The following PEAK1 variants were observed in gnomAD, a reference collection of about 807,000 sequenced individuals.
PEAK1 encodes pseudopodium enriched atypical kinase 1.
A neutral mutation model predicts 124.7 loss-of-function variants in PEAK1; 54 were observed. The observed-to-expected ratio is 0.43, with a 90% CI of 0.35 to 0.54. The LOEUF (loss-of-function observed/expected upper bound fraction) is 0.54, where lower values mean the gene tolerates loss of function less well. PEAK1 is among the 20% of genes least tolerant of loss of function. The pLI is 0.01. For synonymous variants in PEAK1, 719 were observed against 760.0 expected, an observed-to-expected ratio of 0.95 and a Z score of 0.89; for missense variants, 2,046 against 2,134.5, an observed-to-expected ratio of 0.96 and a Z score of 0.82.
intron 8 of PEAK1, among the ~76,000 whole-genome samples, chr15:77,147,001 T>C (rs996126776): frequency 6.6e-6 from 1 of 152,220 alleles, no homozygotes; most frequent in Non-Finnish European, 1.5e-5. Flanking sequence ...CTTATGTGTT[T>C]TCTTTCAGTG....
chr15:77,163,977 C>A (rs1424757908), intron 7 of PEAK1, among the ~76,000 whole-genome samples: 1 of 152,150 alleles, frequency 6.6e-6, no homozygotes, highest in Non-Finnish European at 1.5e-5. Flanking sequence ...CGGAACTCTG[C>A]AGATGTGGGA....
At chr15:77,142,351 A>G (rs1043548101) in intron 8 of PEAK1, among the ~76,000 whole-genome samples, 1 of 152,222 alleles carries the variant, frequency 6.6e-6, no homozygotes, top group Admixed American at 6.5e-5. Flanking sequence ...ATGCTTATAC[A>G]TTGCTAGTAG....
rs140991723 is a variant in PEAK1, at chr15:77,330,888, T to G, written c.-603+34275A>C. ...GTTCCATGAAGGCAAAGAAATGACC[T>G]GTTTTGTTTTTTCCTCACTCAGTGC... On this transcript the variant is annotated intron_variant, in intron 2 of 9. Coordinates refer to ENST00000682557, the MANE Select transcript of PEAK1 (RefSeq NM_001385026.1). 8.8e-4 allele frequency: 229 copies of G among 260,142 alleles called. 1 individual carries two copies. The highest frequency in any genetic ancestry group is 5.1e-3 in the African/African-American group (223 of 43,502). The allele number at this position is 260,142 out of a possible 1,614,324, so 16.1% of individuals were successfully genotyped here.
At chr15:77,199,048 G>A (rs1391577362) in intron 6 of PEAK1, among the ~76,000 whole-genome samples, 1 of 152,132 alleles carries the variant, frequency 6.6e-6, no homozygotes, top group East Asian at 1.9e-4. Flanking sequence ...AGGCTAACTC[G>A]ACTGTTTTGC....
intron 2 of PEAK1, chr15:77,350,571 T>G: frequency 1.0e-6 from 1 of 973,560 alleles, no homozygotes; most frequent in Non-Finnish European, 1.2e-6. Context: ...TATAATTAGA[T>G]AGGCAAAATA....
intron 1 of PEAK1, among the ~76,000 whole-genome samples, chr15:77,390,201 C>T (rs1161409331): frequency 6.6e-6 from 1 of 152,190 alleles, no homozygotes; most frequent in Non-Finnish European, 1.5e-5. Context: ...AATATTTCAG[C>T]AGTCAGAGCT....
rs1399929793 is a variant in PEAK1 at position 77,179,295 on chromosome 15, A to C, written c.2632T>G (p.Ser878Ala). The change falls in exon 7 of 10, where the codon TCT becomes GCT. Residue 878 changes from serine to alanine, a missense_variant. Coordinates refer to ENST00000682557, the MANE Select transcript of PEAK1 (RefSeq NM_001385026.1). The part of the protein sequence containing the change: ...APFPPPRSTS[S>A]PYHAGNLLQR... ...AAAAGGTTACCTGCATGGTAAGGAGAAGAAGTAGAGCGTGGCGGGGGAAAG... is the reference window on the plus strand; with the variant it reads ...AAAAGGTTACCTGCATGGTAAGGAGCAGAAGTAGAGCGTGGCGGGGGAAAG... The C allele has an allele frequency of 6.2e-7, 1 of 1,613,860 alleles. No individual in the cohort carries two copies. The highest frequency in any genetic ancestry group is 8.5e-7 in the Non-Finnish European group (1 of 1,179,928).
rs140654632 is a variant in PEAK1, at chr15:77,299,382, C to T, written c.-602-12878G>A. The stretch of plus-strand genomic sequence containing the variant: ...AGTTGCTGACATTATGTCCCATCAT[C>T]CCTAATAACTTGTTTATAATTCCTC... On this transcript the variant is annotated intron_variant, in intron 2 of 9. Transcript: ENST00000682557. 4.3e-3 allele frequency among the ~76,000 whole-genome samples: 658 copies of T among 152,302 alleles called. 6 individuals carry two copies. The highest frequency in any genetic ancestry group is 0.015 in the African/African-American group (623 of 41,564).
chr15:77,146,009 A>C (rs1271892929), intron 8 of PEAK1, among the ~76,000 whole-genome samples: 3 of 152,190 alleles, frequency 2.0e-5, no homozygotes, highest in Non-Finnish European at 4.4e-5. Flanking sequence ...CTTCGTCCCT[A>C]ATTTTCTCCC....
intron 2 of PEAK1, chr15:77,351,991 C>T (rs1263675622): frequency 2.1e-5 from 20 of 971,810 alleles, no homozygotes; most frequent in African/African-American, 3.5e-5. Flanking sequence ...GAGGCCAAGG[C>T]GGGAGTATAG....
Position 77,379,470 on chromosome 15 carries a change from C to T in PEAK1, c.-665-14245G>A, listed in dbSNP as rs1428936758. On this transcript the variant is annotated intron_variant, in intron 1 of 9. Transcript: ENST00000682557. Reference sequence around the variant, plus strand: ...AAAAATAACACTTATCAAACACCCTCATACTTACAATTCTATACCCTCTGG... The same window carrying T: ...AAAAATAACACTTATCAAACACCCTTATACTTACAATTCTATACCCTCTGG... Among the ~76,000 whole-genome samples the T allele has an allele frequency of 3.3e-5, 5 of 152,306 alleles. No homozygotes were observed. The South Asian group carries it at 1.0e-3, about 32-fold the overall frequency.
rs932674077 is a variant in PEAK1, at chr15:77,346,777, A to T, written c.-603+18386T>A. The T allele has an allele frequency of 3.1e-6, 3 of 971,030 alleles. No individual in the cohort carries two copies. The African/African-American group carries it at 5.3e-5, about 17-fold the overall frequency. The allele number at this position is 971,030 out of a possible 1,614,324, so 60.2% of individuals were successfully genotyped here. On this transcript the variant is annotated intron_variant, in intron 2 of 9. Transcript: ENST00000682557. ...AAAAATATTCATTCATTGGTCACTC[A>T]GTAAATATTTACTGAAATGCCTATT...
intron 8 of PEAK1, among the ~76,000 whole-genome samples, chr15:77,154,474 A>G (rs1022937018): frequency 6.6e-6 from 1 of 152,198 alleles, no homozygotes; most frequent in Non-Finnish European, 1.5e-5. Context: ...TGGAGCATTT[A>G]GCCCATTTAT....
At chr15:77,151,776 A>C (rs1434854899) in intron 8 of PEAK1, among the ~76,000 whole-genome samples, 17 of 152,024 alleles carry the variant, frequency 1.1e-4, no homozygotes, top group Admixed American at 6.5e-4. Context: ...GAATCCTTTC[A>C]CCATTGCTTG....
chr15:77,342,376 C>A (rs979452082), intron 2 of PEAK1, among the ~76,000 whole-genome samples: 2 of 151,170 alleles, frequency 1.3e-5, no homozygotes, highest in African/African-American at 4.9e-5. Context: ...ACTTCAGATA[C>A]CTCATATAAG....
intron 1 of PEAK1, chr15:77,403,095 AC>A (rs1249535533): frequency 1.0e-6 from 1 of 985,126 alleles, no homozygotes; most frequent in Admixed American, 6.2e-5. Flanking sequence ...GAAATAAGAA[AC>A]CCTTTCTAAA....
intron 6 of PEAK1, among the ~76,000 whole-genome samples, chr15:77,218,956 T>C (rs547624105): frequency 9.2e-5 from 14 of 152,198 alleles, no homozygotes; most frequent in African/African-American, 3.1e-4. Flanking sequence ...TAAGAAATCA[T>C]ATGAACAGTG....
In PEAK1 at chr15:77,108,529, T is replaced by C. The variant is rs1296488333; in HGVS notation, c.*5627A>G. 6.6e-6 allele frequency: 1 copy of C among 152,228 alleles called. No homozygotes were observed. Among genetic ancestry groups the C allele is most frequent in the Non-Finnish European group, 1.5e-5 (1 of 68,040 alleles). 9.4% of individuals were successfully genotyped at this position (152,228 alleles called of 1,614,324 possible). On this transcript the variant is annotated 3_prime_UTR_variant, in exon 10 of 10. Transcript: ENST00000682557. Reference sequence around the variant, plus strand: ...GTGTTCATACATCACACTCTTTAGTTCTAACTGGTAAAGGAAGGGATAACC... The same window carrying C: ...GTGTTCATACATCACACTCTTTAGTCCTAACTGGTAAAGGAAGGGATAACC...
At chr15:77,248,710 AC>A (rs1445071179) in intron 6 of PEAK1, among the ~76,000 whole-genome samples, 1 of 152,202 alleles carries the variant, frequency 6.6e-6, no homozygotes, top group African/African-American at 2.4e-5. Context: ...TTTTCAAGCC[AC>A]CCAGTTTAGG....
Sources: gnomAD v4.1 joint callset for allele counts (sites outside exome capture counted in the v4.1 genomes callset) on GRCh38, gnomAD v4.1.1 for gene constraint, MANE v1.5 for transcripts, NCBI Gene and HGNC (gene_info 2026-07-23, HGNC 2026-07-21) for gene names.